The following BICC1 variants were observed in gnomAD, a reference collection of about 807,000 sequenced individuals.
BICC1 encodes protein bicaudal C homolog 1.
BICC1 carries 43 observed loss-of-function variants against 111.0 expected under a neutral mutation model. The ratio of observed to expected loss-of-function variants is 0.39; its 90% CI spans 0.30 to 0.50. The LOEUF (loss-of-function observed/expected upper bound fraction) is 0.50, where lower values mean the gene tolerates loss of function less well. BICC1 is among the 20% of genes least tolerant of loss of function. BICC1 has a pLI of 0.88. For synonymous variants in BICC1, 467 were observed against 434.4 expected, an observed-to-expected ratio of 1.07 and a Z score of -0.93; for missense variants, 1,091 against 1,203.2, an observed-to-expected ratio of 0.91 and a Z score of 1.38.
At chr10:58,573,276 T>C (rs1564493451) in intron 1 of BICC1, among the ~76,000 whole-genome samples, 3 of 152,158 alleles carry the variant, frequency 2.0e-5, no homozygotes. Context: ...CTAAATACTT[T>C]TCTTACAAGA....
chr10:58,648,412 G>A, intron 2 of BICC1: 2 of 588,204 alleles, frequency 3.4e-6, no homozygotes, highest in Non-Finnish European at 4.3e-6. Context: ...CTTTGCCAGA[G>A]AGGCTTTTGA....
chr10:58,723,052 A>AGTCTTCAG (rs1840989906), intron 3 of BICC1, among the ~76,000 whole-genome samples: 1 of 152,228 alleles, frequency 6.6e-6, no homozygotes, highest in African/African-American at 2.4e-5. Flanking sequence ...TCTGGTTTCT[A>AGTCTTCAG]GTCTTCAGTT....
chr10:58,560,023 CTT>C (rs936886877), intron 1 of BICC1, among the ~76,000 whole-genome samples: 1 of 141,860 alleles, frequency 7.0e-6, no homozygotes, highest in Non-Finnish European at 1.6e-5. Context: ...TTGCAGTATT[CTT>C]TTTTTTTTTG....
rs551861439 is a variant in BICC1 at position 58,524,443 on chromosome 10, A to G, written c.190+11110A>G. The stretch of plus-strand genomic sequence containing the variant: ...TTGACAAACCTGAGAAAAACAAGCA[A>G]TGGGGAAAGGATTCCCTATTTAATA... On this transcript the variant is annotated intron_variant, in intron 1 of 20. Coordinates refer to ENST00000373886, the MANE Select transcript of BICC1 (RefSeq NM_001080512.3). Among the ~76,000 whole-genome samples, 8 of 152,120 alleles carry G rather than the reference A, an allele frequency of 5.3e-5. No individual in the cohort carries two copies. The South Asian group carries it at 1.7e-3, about 32-fold the overall frequency.
intron 1 of BICC1, among the ~76,000 whole-genome samples, chr10:58,601,142 AT>A (rs1564506757): frequency 0.014 from 1,643 of 119,486 alleles, 92 homozygotes; most frequent in African/African-American, 0.038. Context: ...TTTAAAACTT[AT>A]ATATATATAT....
At chr10:58,621,954 T>A (rs59677296) in intron 2 of BICC1, among the ~76,000 whole-genome samples, 1 of 67,510 alleles carries the variant, frequency 1.5e-5, no homozygotes, top group African/African-American at 6.2e-5. Context: ...TAGAATAGAA[T>A]AGAATAGAAT....
chr10:58,806,761 T>G (rs1397976773), intron 16 of BICC1, 138 bp downstream of exon 16: 1 of 839,608 alleles, frequency 1.2e-6, no homozygotes, highest in East Asian at 2.5e-5. Flanking sequence ...TTGCATACAT[T>G]CTGTTGAATA....
chr10:58,671,974 G>T (rs1485555238), intron 2 of BICC1, among the ~76,000 whole-genome samples: 1 of 152,000 alleles, frequency 6.6e-6, no homozygotes, highest in East Asian at 1.9e-4. Context: ...CTTTGTTGTT[G>T]TCTACCACCA....
At chr10:58,764,336 A>G (rs963212731) in intron 3 of BICC1, among the ~76,000 whole-genome samples, 10 of 152,170 alleles carry the variant, frequency 6.6e-5, no homozygotes, top group African/African-American at 2.4e-4. Context: ...ATAGAAGTGG[A>G]AACAAATCTG....
chr10:58,779,549 C>A, intron 3 of BICC1, among the ~76,000 whole-genome samples: 1 of 152,080 alleles, frequency 6.6e-6, no homozygotes, highest in East Asian at 1.9e-4. Flanking sequence ...GTTTAAGAAC[C>A]TTATAGTACT....
intron 18 of BICC1, 92 bp downstream of exon 18, chr10:58,814,078 C>A: frequency 7.1e-7 from 1 of 1,409,592 alleles, no homozygotes; most frequent in Non-Finnish European, 1.0e-6. Flanking sequence ...GCCTCTCTGA[C>A]TTCAAGTGCT....
intron 2 of BICC1, among the ~76,000 whole-genome samples, chr10:58,690,574 A>C (rs942405489): frequency 7.2e-5 from 11 of 152,008 alleles, no homozygotes; most frequent in Admixed American, 4.6e-4. Flanking sequence ...ATGAATACAT[A>C]CCTCCTTTCA....
chr10:58,757,939 T>G (rs1282067129), intron 3 of BICC1, among the ~76,000 whole-genome samples: 1 of 152,160 alleles, frequency 6.6e-6, no homozygotes, highest in African/African-American at 2.4e-5. Context: ...AAGGGGAAGA[T>G]GCATTTCCTA....
At chr10:58,746,135 G>A (rs1011884515) in intron 3 of BICC1, among the ~76,000 whole-genome samples, 3 of 152,058 alleles carry the variant, frequency 2.0e-5, no homozygotes, top group African/African-American at 7.2e-5. Flanking sequence ...TGCCTCTGAA[G>A]TTTGCTAAAA....
chr10:58,706,720 C>G (rs1840396891), intron 3 of BICC1, among the ~76,000 whole-genome samples: 1 of 152,086 alleles, frequency 6.6e-6, no homozygotes, highest in Admixed American at 6.5e-5. Flanking sequence ...CTTCCCACGC[C>G]CTCTCTCCCC....
intron 12 of BICC1, 35 bp downstream of exon 12, chr10:58,799,287 G>T (rs2893789): frequency 1.3e-6 from 2 of 1,515,822 alleles, no homozygotes; most frequent in Non-Finnish European, 1.8e-6. Context: ...TGTGTGATCT[G>T]TACTGTTTGT....
At chr10:58,553,052 T>A (rs1219437486) in intron 1 of BICC1, among the ~76,000 whole-genome samples, 1 of 152,204 alleles carries the variant, frequency 6.6e-6, no homozygotes, top group African/African-American at 2.4e-5. Context: ...TGTCTTTCCC[T>A]TTAAATTGAC....
intron 2 of BICC1, among the ~76,000 whole-genome samples, chr10:58,642,409 T>C (rs181632011): frequency 4.7e-4 from 71 of 152,286 alleles, no homozygotes; most frequent in African/African-American, 1.7e-3. Flanking sequence ...AGAGTGACTT[T>C]GGTTGGTTAG....
chr10:58,793,583 A>G lies in BICC1; in HGVS notation c.1147A>G (p.Ser383Gly). ...QLMEQLDVFI[S>G]IKPKPKQPSK... The stretch of plus-strand genomic sequence containing the variant: ...GATGGAACAGCTTGATGTCTTCATC[A>G]GTATTAAACCAAAGCCCAAACAGCC... Residue 383 changes from serine to glycine, a missense_variant, in exon 9 of 21, where the codon AGT becomes GGT. By Grantham distance (56) the Ser-to-Gly change is moderately conservative. This residue lies in a region of BICC1 where 843 missense variants were observed against 900.8 expected (regional missense o/e 0.94). Coordinates refer to ENST00000373886, the MANE Select transcript of BICC1 (RefSeq NM_001080512.3). 3 of 1,613,966 alleles carry G rather than the reference A, an allele frequency of 1.9e-6. No homozygotes were observed. The highest frequency in any genetic ancestry group is 2.5e-6 in the Non-Finnish European group (3 of 1,179,930).
Sources: allele counts gnomAD v4.1 joint callset (sites outside exome capture counted in the v4.1 genomes callset), GRCh38; gene constraint gnomAD v4.1.1; regional missense constraint gnomAD v4.1.1; transcripts MANE v1.5; gene names NCBI Gene and HGNC (gene_info 2026-07-23, HGNC 2026-07-21).